WDR89: variants seen among roughly 807,000 people sequenced by gnomAD.
WDR89 encodes the protein WD repeat-containing protein 89.
WDR89 carries 17 observed loss-of-function variants against 29.1 expected under a neutral mutation model. The ratio of observed to expected loss-of-function variants is 0.58; its 90% confidence interval spans 0.40 to 0.88. The LOEUF (loss-of-function observed/expected upper bound fraction) is 0.88, where lower values mean the gene tolerates loss of function less well. Ranked by LOEUF, WDR89 falls within the 40% of genes least tolerant of loss-of-function variation. WDR89 has a pLI of 0.00. For missense variants in WDR89, 396 were observed against 456.3 expected (o/e 0.87, Z 1.20); for synonymous variants, 138 against 157.8 (o/e 0.87, Z 0.94).
At chr14:63,633,993 C>A (rs1595039890) in intron 1 of WDR89, among the ~76,000 whole-genome samples, 3 of 152,318 alleles carry the variant, frequency 2.0e-5, no homozygotes, top group African/African-American at 7.2e-5. Flanking sequence ...CTACTGCCAT[C>A]TAGCAGGAGG....
chr14:63,622,471 C>T (rs1319048547), intron 2 of WDR89, among the ~76,000 whole-genome samples: 1 of 152,146 alleles, frequency 6.6e-6, no homozygotes. Flanking sequence ...ATCCCAGCTA[C>T]TTGGGAGGCT....
At chr14:63,620,876 T>C (rs78821622) in intron 2 of WDR89, among the ~76,000 whole-genome samples, 53 of 141,286 alleles carry the variant, frequency 3.8e-4, no homozygotes, top group African/African-American at 1.5e-3. Flanking sequence ...CCAGCCTGGG[T>C]GACACAGCGA....
At chr14:63,636,070 G>A (rs1052234822) in intron 1 of WDR89, among the ~76,000 whole-genome samples, 7 of 152,094 alleles carry the variant, frequency 4.6e-5, no homozygotes, top group African/African-American at 1.4e-4. Context: ...TCAGTCAGGC[G>A]TGGTAGTGCA....
intron 2 of WDR89, among the ~76,000 whole-genome samples, chr14:63,615,363 G>A (rs948142390): frequency 8.5e-5 from 13 of 152,058 alleles, no homozygotes; most frequent in Non-Finnish European, 7.4e-5. Flanking sequence ...GAAGCAATTC[G>A]GAATAATCTA....
chr14:63,614,146 T>C (rs1882160770), intron 2 of WDR89, among the ~76,000 whole-genome samples: 1 of 152,040 alleles, frequency 6.6e-6, no homozygotes. Flanking sequence ...TTAATCTTTT[T>C]AAGGGGGGAG....
intron 1 of WDR89, among the ~76,000 whole-genome samples, chr14:63,639,351 C>T (rs1377203282): frequency 5.0e-4 from 64 of 126,862 alleles, no homozygotes; most frequent in Non-Finnish European, 8.4e-4. Flanking sequence ...GAGACCTCAT[C>T]TCTACCAAAA....
chr14:63,613,740 T>G (rs1374923578), intron 2 of WDR89, among the ~76,000 whole-genome samples: 1 of 151,826 alleles, frequency 6.6e-6, no homozygotes, highest in Admixed American at 6.6e-5. Context: ...GACCTTGTGA[T>G]CCACCCACCT....
chr14:63,605,205 T>TACAC (rs778938395), intron 2 of WDR89, among the ~76,000 whole-genome samples: 1 of 128,078 alleles, frequency 7.8e-6, no homozygotes, highest in African/African-American at 4.1e-5. Flanking sequence ...CATATATACA[T>TACAC]ACACATACAC....
chr14:63,612,123 C>T (rs1367759806), intron 2 of WDR89, among the ~76,000 whole-genome samples: 1 of 152,030 alleles, frequency 6.6e-6, no homozygotes, highest in Non-Finnish European at 1.5e-5. Context: ...TGCTGAAAAG[C>T]CCTTCGGTCA....
intron 2 of WDR89, among the ~76,000 whole-genome samples, chr14:63,609,221 G>A (rs1337932838): frequency 6.6e-6 from 1 of 151,998 alleles, no homozygotes; most frequent in Non-Finnish European, 1.5e-5. Flanking sequence ...AAGAAAATAT[G>A]CAACAAATAT....
At chr14:63,627,381 G>A (rs1459231182) in intron 1 of WDR89, among the ~76,000 whole-genome samples, 1 of 152,024 alleles carries the variant, frequency 6.6e-6, no homozygotes. Context: ...ATTGGGAAGT[G>A]GTCAAATTAG....
chr14:63,632,182 GA>G (rs991911222), intron 1 of WDR89, among the ~76,000 whole-genome samples: 11 of 151,290 alleles, frequency 7.3e-5, no homozygotes, highest in East Asian at 1.9e-4. Flanking sequence ...AAAATGGGGG[GA>G]AAAAAAACAA....
At chr14:63,623,810 T>C (rs1882866432) in intron 2 of WDR89, among the ~76,000 whole-genome samples, 1 of 142,130 alleles carries the variant, frequency 7.0e-6, no homozygotes, top group Non-Finnish European at 1.5e-5. Context: ...AGGATGGGGG[T>C]GGTGGGGAGA....
chr14:63,621,742 A>G (rs1019952346), intron 2 of WDR89: 3 of 152,256 alleles, frequency 2.0e-5, no homozygotes, highest in Non-Finnish European at 4.4e-5. Context: ...GAAAAAGAGT[A>G]TAAAAGAAAG....
At chr14:63,611,965 T>C (rs1227259157) in intron 2 of WDR89, among the ~76,000 whole-genome samples, 1 of 152,070 alleles carries the variant, frequency 6.6e-6, no homozygotes, top group Non-Finnish European at 1.5e-5. Flanking sequence ...TGAGCTCAAG[T>C]GATCCGCCCA....
At chr14:63,622,348 G>A (rs890461037) in intron 2 of WDR89, among the ~76,000 whole-genome samples, 5 of 152,206 alleles carry the variant, frequency 3.3e-5, no homozygotes, top group African/African-American at 1.2e-4. Flanking sequence ...GGGAGGCTGA[G>A]GCGGGTGGAT....
At chr14:63,618,054 T>C (rs1415206100) in intron 2 of WDR89, 1 of 152,206 alleles carries the variant, frequency 6.6e-6, no homozygotes, top group African/African-American at 2.4e-5. Flanking sequence ...TGCTCGCTTC[T>C]GCAGCATATA....
chr14:63,611,920 G>A, intron 2 of WDR89, among the ~76,000 whole-genome samples: 1 of 151,860 alleles, frequency 6.6e-6, no homozygotes, highest in Non-Finnish European at 1.5e-5. Flanking sequence ...TAGAGATGGG[G>A]TTTCACCATG....
chr14:63,620,897 C>CAAA (rs539451063), intron 2 of WDR89, among the ~76,000 whole-genome samples: 8 of 82,988 alleles, frequency 9.6e-5, no homozygotes, highest in Middle Eastern at 6.3e-3. Context: ...GACTCCATCT[C>CAAA]AAAAAAAAAA....
Sources: gnomAD v4.1 joint callset for allele counts (sites outside exome capture counted in the v4.1 genomes callset) on GRCh38, gnomAD v4.1.1 for gene constraint, MANE v1.5 for transcripts, NCBI Gene and HGNC (gene_info 2026-07-23, HGNC 2026-07-21) for gene names.